ITFG1: variants seen among roughly 807,000 people sequenced by gnomAD.
The protein encoded by ITFG1 is integrin alpha FG-GAP repeat containing 1.
Under a neutral mutation model 81.8 loss-of-function variants are expected in ITFG1, and 34 were observed. The observed-to-expected ratio is 0.42, with a 90% CI of 0.32 to 0.55. The LOEUF is 0.55. ITFG1 is among the 20% of genes least tolerant of loss of function. The pLI is 0.17. For missense variants in ITFG1, 672 were observed against 755.4 expected, an observed-to-expected ratio of 0.89 and a Z score of 1.29; for synonymous variants, 285 against 270.6, an observed-to-expected ratio of 1.05 and a Z score of -0.52.
Position 47,317,264 on chromosome 16 carries a change from G to C in ITFG1, c.803-3441C>G, listed in dbSNP as rs1251308074. On this transcript the variant is annotated intron_variant, in intron 8 of 17. Coordinates refer to ENST00000320640, the MANE Select transcript of ITFG1 (RefSeq NM_030790.5). ...ATTTAGAGAAACTAAAACTGATTTA[G>C]AGAAAATTTTTAATTTTAAAAGCAA... 2.6e-5 allele frequency among the ~76,000 whole-genome samples: 4 copies of C among 152,112 alleles called. No individual in the cohort carries two copies. In the South Asian group the frequency reaches 8.3e-4, roughly 32 times the overall value.
At position 47,225,541 on chromosome 16, in the gene ITFG1, G is replaced by A. The variant is rs1965746738; in HGVS notation, c.1375-6595C>T. Among the ~76,000 whole-genome samples the A allele has an allele frequency of 2.6e-5, 4 of 152,170 alleles. No homozygotes were observed. The South Asian group carries it at 8.3e-4, about 32-fold the overall frequency. ...GAAAGCCAAAGATTGAATGTTGAAAGCAGCAAGAGACAAGCAATTCATCAC... is the reference window on the plus strand; with the variant it reads ...GAAAGCCAAAGATTGAATGTTGAAAACAGCAAGAGACAAGCAATTCATCAC... On this transcript the variant is annotated intron_variant, in intron 13 of 17. Coordinates refer to ENST00000320640, the MANE Select transcript of ITFG1 (RefSeq NM_030790.5).
intron 14 of ITFG1, among the ~76,000 whole-genome samples, chr16:47,169,466 A>ATT (rs137899197): frequency 6.7e-6 from 1 of 148,222 alleles, no homozygotes; most frequent in East Asian, 2.0e-4. Flanking sequence ...AAACTGAACT[A>ATT]TTTTTTTTTT....
At chr16:47,219,969 A>G (rs533196094) in intron 13 of ITFG1, among the ~76,000 whole-genome samples, 7 of 152,390 alleles carry the variant, frequency 4.6e-5, no homozygotes, top group African/African-American at 1.7e-4. Context: ...AAAGATGAAT[A>G]TTACGCTTTG....
chr16:47,235,438 A>G (rs1965862652), intron 13 of ITFG1, among the ~76,000 whole-genome samples: 2 of 152,214 alleles, frequency 1.3e-5, no homozygotes, highest in South Asian at 2.1e-4. Context: ...GATAAATGAA[A>G]TTAGGGTTTC....
chr16:47,377,536 A>G (rs1190188650), intron 6 of ITFG1, among the ~76,000 whole-genome samples: 2 of 152,106 alleles, frequency 1.3e-5, no homozygotes, highest in African/African-American at 4.8e-5. Flanking sequence ...GCCAGATTTT[A>G]TCATGTTTTT....
chr16:47,429,223 T>C (rs1222387213), intron 5 of ITFG1, among the ~76,000 whole-genome samples: 1 of 152,240 alleles, frequency 6.6e-6, no homozygotes, highest in Non-Finnish European at 1.5e-5. Flanking sequence ...TGTGGTCTTC[T>C]GTGTTTGGCT....
At chr16:47,187,581 C>A (rs946732344) in intron 14 of ITFG1, among the ~76,000 whole-genome samples, 5 of 152,042 alleles carry the variant, frequency 3.3e-5, no homozygotes, top group Admixed American at 6.6e-5. Context: ...GAAACTGGAT[C>A]CCTTCCTTAC....
chr16:47,205,403 T>C (rs1414643617), intron 14 of ITFG1, among the ~76,000 whole-genome samples: 1 of 152,162 alleles, frequency 6.6e-6, no homozygotes, highest in East Asian at 1.9e-4. Context: ...CAAAGACAAT[T>C]CGTACAAATT....
At chr16:47,421,799 G>C (rs1968953658) in intron 6 of ITFG1, among the ~76,000 whole-genome samples, 1 of 152,052 alleles carries the variant, frequency 6.6e-6, no homozygotes, top group African/African-American at 2.4e-5. Flanking sequence ...ATTTACATTA[G>C]GTATTTCTCC....
At chr16:47,330,277 A>G (rs920019345) in intron 8 of ITFG1, among the ~76,000 whole-genome samples, 1 of 152,062 alleles carries the variant, frequency 6.6e-6, no homozygotes, top group African/African-American at 2.4e-5. Flanking sequence ...ACCTCTTACC[A>G]TATATAAAAA....
intron 17 of ITFG1, chr16:47,157,748 A>G (rs958007755): frequency 2.0e-4 from 30 of 152,334 alleles, no homozygotes; most frequent in African/African-American, 7.2e-4. Flanking sequence ...AACAACTAAT[A>G]TGTTCTTTTT....
chr16:47,185,524 T>G (rs560707703), intron 14 of ITFG1, among the ~76,000 whole-genome samples: 2 of 152,026 alleles, frequency 1.3e-5, no homozygotes, highest in Admixed American at 1.3e-4. Flanking sequence ...GGGTACATAA[T>G]GAAATGAAGG....
chr16:47,450,906 T>C (rs1969380369), intron 5 of ITFG1, among the ~76,000 whole-genome samples: 1 of 152,212 alleles, frequency 6.6e-6, no homozygotes, highest in Admixed American at 6.5e-5. Context: ...AAGAGAGGCC[T>C]AGCACACATA....
chr16:47,262,217 A>T (rs1966217757), intron 10 of ITFG1, among the ~76,000 whole-genome samples: 2 of 152,220 alleles, frequency 1.3e-5, no homozygotes, highest in Non-Finnish European at 2.9e-5. Context: ...TTCTTTAACA[A>T]ATGAAAAAAA....
At chr16:47,325,651 G>A (rs1396125664) in intron 8 of ITFG1, among the ~76,000 whole-genome samples, 2 of 152,048 alleles carry the variant, frequency 1.3e-5, no homozygotes, top group Non-Finnish European at 2.9e-5. Context: ...TATCACCACC[G>A]ATCCCACAGA....
Position 47,204,549 on chromosome 16 carries a change from C to T in ITFG1, c.1453+14319G>A, listed in dbSNP as rs150312020. 6.8e-3 allele frequency among the ~76,000 whole-genome samples: 1,032 copies of T among 152,234 alleles called. 13 individuals are homozygous for T. The highest frequency in any genetic ancestry group is 0.023 in the African/African-American group (963 of 41,534). ...ACATTTGTTTTTATTTCTATTATAG[C>T]TCTTTTAACTATTTCTTGTCTGACT... On this transcript the variant is annotated intron_variant, in intron 14 of 17. Coordinates refer to ENST00000320640, the MANE Select transcript of ITFG1 (RefSeq NM_030790.5).
chr16:47,172,093 A>G (rs971420724), intron 14 of ITFG1, among the ~76,000 whole-genome samples: 10 of 152,320 alleles, frequency 6.6e-5, no homozygotes, highest in Admixed American at 3.9e-4. Context: ...TCCAGCATAG[A>G]CTGCCAGTCT....
intron 12 of ITFG1, among the ~76,000 whole-genome samples, chr16:47,256,965 T>C (rs575610907): frequency 1.3e-5 from 2 of 152,334 alleles, no homozygotes; most frequent in South Asian, 2.1e-4. Flanking sequence ...CAGTTCAGGA[T>C]AGAACTCTCA....
At chr16:47,194,709 T>C (rs1438138190) in intron 14 of ITFG1, among the ~76,000 whole-genome samples, 1 of 152,030 alleles carries the variant, frequency 6.6e-6, no homozygotes, top group African/African-American at 2.4e-5. Context: ...ACTTAATATA[T>C]ATATATATTT....
Sources: gnomAD v4.1 joint callset for allele counts (sites outside exome capture counted in the v4.1 genomes callset) on GRCh38, gnomAD v4.1.1 for gene constraint, MANE v1.5 for transcripts, NCBI Gene and HGNC (gene_info 2026-07-23, HGNC 2026-07-21) for gene names.